Variants in SCIN observed in about 807,000 individuals in gnomAD.
The protein encoded by SCIN is scinderin.
In SCIN, 91 loss-of-function variants were observed where a neutral mutation model predicts 91.8. The observed-to-expected ratio is 0.99, with a 90% CI of 0.84 to 1.18. The LOEUF (loss-of-function observed/expected upper bound fraction) is 1.18, where lower values mean the gene tolerates loss of function less well. Among genes scored for constraint, SCIN ranks in the 50% most tolerant of loss-of-function variants. SCIN has a pLI of 0.00. For missense variants in SCIN, 1,087 were observed against 863.9 expected (o/e 1.26, Z -3.24); for synonymous variants, 367 against 312.6 (o/e 1.17, Z -1.84).
At chr7:12,603,200 A>G (rs1412469393) in intron 3 of SCIN, among the ~76,000 whole-genome samples, 1 of 151,958 alleles carries the variant, frequency 6.6e-6, no homozygotes, top group Admixed American at 6.6e-5. Flanking sequence ...GCTGTAGTGC[A>G]ATGGCATGAT....
In SCIN at chr7:12,585,584, A is replaced by G. The variant is rs535670384; in HGVS notation, c.516+4363A>G. On this transcript the variant is annotated intron_variant, in intron 3 of 15. Coordinates refer to ENST00000297029, the MANE Select transcript of SCIN (RefSeq NM_001112706.3). ...GAACCTCAAACTCAACACATCTAGAAAATGATTTCTTCTCTAATTGTCTTT... is the reference window on the plus strand; with the variant it reads ...GAACCTCAAACTCAACACATCTAGAGAATGATTTCTTCTCTAATTGTCTTT... Among the ~76,000 whole-genome samples the G allele has an allele frequency of 1.2e-3, 176 of 152,252 alleles. 1 individual carries two copies. Among genetic ancestry groups the G allele is most frequent in the African/African-American group, 3.7e-3 (154 of 41,542 alleles).
At chr7:12,587,027 GGTGAATACA>G (rs1782602406) in intron 3 of SCIN, among the ~76,000 whole-genome samples, 1 of 152,024 alleles carries the variant, frequency 6.6e-6, no homozygotes, top group South Asian at 2.1e-4. Context: ...AGTGCTATGT[GGTGAATACA>G]GTTAACAATA....
intron 3 of SCIN, among the ~76,000 whole-genome samples, chr7:12,583,227 C>A (rs1241109942): frequency 6.6e-6 from 1 of 152,052 alleles, no homozygotes; most frequent in Non-Finnish European, 1.5e-5. Context: ...TGATATTGGG[C>A]AACTCATTAA....
chr7:12,588,310 T>G (rs2115223640), intron 3 of SCIN, among the ~76,000 whole-genome samples: 1 of 152,346 alleles, frequency 6.6e-6, no homozygotes. Flanking sequence ...GCAGATAGGC[T>G]TTGACCTTCA....
At chr7:12,627,250 G>C (rs4719325) in intron 8 of SCIN, among the ~76,000 whole-genome samples, 69,146 of 151,972 alleles carry the variant, frequency 0.45, 16,486 homozygotes, top group Admixed American at 0.6. Context: ...CTGGACCCTT[G>C]ACCCTTTCCG....
chr7:12,622,018 A>G (rs1164459492), intron 4 of SCIN, among the ~76,000 whole-genome samples: 1 of 151,846 alleles, frequency 6.6e-6, no homozygotes, highest in Non-Finnish European at 1.5e-5. Flanking sequence ...TAAAAATTAA[A>G]TTATTTAAAA....
rs1217594213 is a variant in SCIN, at chr7:12,655,635, C to G, written c.*2920C>G. On this transcript the variant is annotated 3_prime_UTR_variant, in exon 16 of 16. Transcript: ENST00000297029. Reference sequence around the variant, plus strand: ...TCAAAATGTAGGGTTACAGGTTCACCCATACACTGTTAATAGATGTATAAA... The same window carrying G: ...TCAAAATGTAGGGTTACAGGTTCACGCATACACTGTTAATAGATGTATAAA... 4 of 152,108 alleles carry G rather than the reference C, an allele frequency of 2.6e-5. No individual in the cohort carries two copies. Among genetic ancestry groups the G allele is most frequent in the Non-Finnish European group, 5.9e-5 (4 of 68,008 alleles). The allele number at this position is 152,108 out of a possible 1,614,324, so 9.4% of individuals were successfully genotyped here. A position where few individuals can be genotyped will look rare whatever the true frequency, so the allele number is the denominator to read the frequency against.
chr7:12,593,860 G>A (rs892612173), intron 3 of SCIN, among the ~76,000 whole-genome samples: 21 of 151,524 alleles, frequency 1.4e-4, no homozygotes, highest in African/African-American at 4.9e-4. Context: ...CCTGTGCTGC[G>A]AGCCACACTC....
intron 3 of SCIN, among the ~76,000 whole-genome samples, chr7:12,600,188 A>G (rs1042259212): frequency 3.3e-5 from 5 of 152,212 alleles, no homozygotes; most frequent in Non-Finnish European, 7.3e-5. Context: ...GAACGAAATA[A>G]TGGCATTCGC....
At chr7:12,582,548 G>C (rs1011953325) in intron 3 of SCIN, among the ~76,000 whole-genome samples, 16 of 152,192 alleles carry the variant, frequency 1.1e-4, no homozygotes, top group African/African-American at 3.6e-4. Flanking sequence ...TAATATAAAT[G>C]CCCAAAGTAC....
chr7:12,605,033 G>A (rs1390615139), intron 4 of SCIN, among the ~76,000 whole-genome samples: 1 of 151,972 alleles, frequency 6.6e-6, no homozygotes, highest in Admixed American at 6.6e-5. Context: ...GGCTTCTCAG[G>A]GTTTTACTTG....
chr7:12,644,192 C>A lies in SCIN; in HGVS notation c.1636C>A (p.Pro546Thr). The A allele has an allele frequency of 1.2e-6, 2 of 1,612,702 alleles. No homozygotes were observed. Among genetic ancestry groups the A allele is most frequent in the Non-Finnish European group, 1.7e-6 (2 of 1,179,292 alleles). The change falls in exon 12 of 16, where the codon CCA (proline) becomes ACA (threonine). Residue 546 changes from proline (P) to threonine (T), a missense_variant. Transcript: ENST00000297029. ...TAACGATGTTTTTGTCCTGAAACTG[C>A]CACAAAATAGTGGCTACATCTGGGT... Reference protein sequence around the residue: ...NSNDVFVLKLPQNSGYIWVGK... With the variant: ...NSNDVFVLKLTQNSGYIWVGK...
At chr7:12,649,962 A>C (rs1039427026) in intron 14 of SCIN, among the ~76,000 whole-genome samples, 3 of 152,174 alleles carry the variant, frequency 2.0e-5, no homozygotes, top group African/African-American at 7.2e-5. Context: ...CTGGGGAAGA[A>C]ACAGGCAGAA....
intron 3 of SCIN, among the ~76,000 whole-genome samples, chr7:12,591,585 T>C (rs900339849): frequency 2.0e-5 from 3 of 152,090 alleles, no homozygotes; most frequent in Admixed American, 6.5e-5. Flanking sequence ...GCTGACGCAG[T>C]GACAAGAGCA....
intron 10 of SCIN, among the ~76,000 whole-genome samples, chr7:12,637,903 C>A (rs1783784414): frequency 6.6e-6 from 1 of 152,124 alleles, no homozygotes; most frequent in African/African-American, 2.4e-5. Context: ...AGATAATATG[C>A]TGTTTTATTT....
At position 12,581,222 on chromosome 7, in the gene SCIN, G is replaced by C. The variant is rs761444801; in HGVS notation, c.516+1G>C. 7.7e-6 allele frequency: 12 copies of C among 1,550,878 alleles called. No homozygotes were observed. The Admixed American group carries it at 7.9e-5, about 10-fold the overall frequency. On this transcript the variant is annotated splice_donor_variant, in intron 3 of 15. Transcript: ENST00000297029. LOFTEE classifies it high-confidence loss of function. Reference sequence around the variant, plus strand: ...CTGCTTCATCATTGACCTTGGCACCGTAAGTTTCATATATACACATCGATG... The same window carrying C: ...CTGCTTCATCATTGACCTTGGCACCCTAAGTTTCATATATACACATCGATG...
At chr7:12,637,667 A>C (rs1007037800) in intron 10 of SCIN, among the ~76,000 whole-genome samples, 2 of 152,016 alleles carry the variant, frequency 1.3e-5, no homozygotes, top group African/African-American at 4.8e-5. Flanking sequence ...GGGAGAGGAT[A>C]GTGTGAGAGG....
chr7:12,573,465 A>G (rs1023109079), intron 1 of SCIN, among the ~76,000 whole-genome samples: 4 of 152,226 alleles, frequency 2.6e-5, no homozygotes, highest in Non-Finnish European at 5.9e-5. Flanking sequence ...CAGTGTTTCC[A>G]TAACACTTGG....
chr7:12,642,590 A>G (rs1183246730), intron 11 of SCIN, among the ~76,000 whole-genome samples: 1 of 150,182 alleles, frequency 6.7e-6, no homozygotes, highest in African/African-American at 2.5e-5. Context: ...TCAATCAGGT[A>G]TCCATCCCAC....
Sources: gnomAD v4.1 joint callset for allele counts (sites outside exome capture counted in the v4.1 genomes callset) on GRCh38, gnomAD v4.1.1 for gene constraint, MANE v1.5 for transcripts, NCBI Gene and HGNC (gene_info 2026-07-23, HGNC 2026-07-21) for gene names.